The following UBR1 variants were observed in gnomAD, a reference collection of about 807,000 sequenced individuals.
UBR1 encodes the protein ubiquitin protein ligase E3 component n-recognin 1.
UBR1 carries 102 observed loss-of-function variants against 242.1 expected under a neutral mutation model. That is an observed-to-expected ratio of 0.42 (90% confidence interval 0.36 to 0.50). UBR1 has a LOEUF of 0.50. UBR1 is among the 20% of genes least tolerant of loss of function. The pLI, the probability that UBR1 is intolerant of heterozygous loss-of-function variation, is 0.01. For missense variants in UBR1, 1,772 were observed against 2,101.8 expected (o/e 0.84, Z 3.07); for synonymous variants, 675 against 684.8 (o/e 0.99, Z 0.22).
At chr15:43,013,065 C>G (rs1010650163) in intron 29 of UBR1, among the ~76,000 whole-genome samples, 36 of 152,214 alleles carry the variant, frequency 2.4e-4, no homozygotes, top group East Asian at 2.1e-3. Flanking sequence ...GTCACCACAC[C>G]CGGCTAATTT....
At chr15:42,993,432 C>T (rs538802950) in intron 33 of UBR1, among the ~76,000 whole-genome samples, 34 of 151,358 alleles carry the variant, frequency 2.2e-4, no homozygotes, top group Non-Finnish European at 4.7e-4. Flanking sequence ...GGTGCAATCT[C>T]GGCTCACTGC....
At chr15:43,072,112 A>G (rs997283538) in intron 4 of UBR1, among the ~76,000 whole-genome samples, 1 of 152,202 alleles carries the variant, frequency 6.6e-6, no homozygotes, top group Non-Finnish European at 1.5e-5. Flanking sequence ...TCAGCCTCCC[A>G]AAGTGCTGGG....
At chr15:42,994,221 A>G (rs2032599157) in intron 33 of UBR1, among the ~76,000 whole-genome samples, 1 of 152,070 alleles carries the variant, frequency 6.6e-6, no homozygotes. Context: ...AGATTCTTAC[A>G]TGGCCTAATT....
chr15:43,024,696 TA>T, intron 25 of UBR1, 132 bp downstream of exon 25: 1 of 1,258,286 alleles, frequency 7.9e-7, no homozygotes, highest in South Asian at 1.2e-5. Context: ...GTGCTGTGTG[TA>T]AGCTATTTTT....
At chr15:43,084,448 G>A (rs2141359383) in intron 2 of UBR1, among the ~76,000 whole-genome samples, 1 of 152,200 alleles carries the variant, frequency 6.6e-6, no homozygotes, top group African/African-American at 2.4e-5. Context: ...TACACAAAAT[G>A]CAAAGACTAT....
chr15:42,960,154 G>A (rs1170752079), intron 43 of UBR1, among the ~76,000 whole-genome samples: 1 of 152,180 alleles, frequency 6.6e-6, no homozygotes, highest in African/African-American at 2.4e-5. Context: ...TAGTACTTAA[G>A]AAGTAGATTT....
intron 29 of UBR1, among the ~76,000 whole-genome samples, chr15:43,010,946 C>T (rs1039648700): frequency 2.0e-5 from 3 of 151,660 alleles, no homozygotes; most frequent in African/African-American, 4.8e-5. Flanking sequence ...GCCGAGATCA[C>T]GCCACTGTAC....
intron 44 of UBR1, among the ~76,000 whole-genome samples, chr15:42,955,768 C>T (rs1245773289): frequency 1.3e-5 from 2 of 152,160 alleles, no homozygotes; most frequent in Non-Finnish European, 2.9e-5. Flanking sequence ...ATGATTCATG[C>T]TACTCAAATA....
intron 25 of UBR1, among the ~76,000 whole-genome samples, chr15:43,024,172 T>G (rs1184366590): frequency 1.3e-5 from 2 of 152,212 alleles, no homozygotes; most frequent in East Asian, 3.8e-4. Context: ...TACTAGTGAA[T>G]GTATTTATCA....
chr15:43,060,726 G>A (rs983064071), intron 6 of UBR1, among the ~76,000 whole-genome samples: 3 of 152,048 alleles, frequency 2.0e-5, no homozygotes, highest in Admixed American at 1.3e-4. Flanking sequence ...ACATTTTACA[G>A]ATGATAAAAA....
chr15:42,999,496 A>G (rs2032691193), intron 32 of UBR1, among the ~76,000 whole-genome samples: 1 of 152,170 alleles, frequency 6.6e-6, no homozygotes, highest in African/African-American at 2.4e-5. Context: ...CCTTCCTAAA[A>G]TGGACGTAAG....
chr15:42,966,610 G>A (rs1484769793), intron 40 of UBR1, among the ~76,000 whole-genome samples: 1 of 151,658 alleles, frequency 6.6e-6, no homozygotes, highest in Admixed American at 6.6e-5. Context: ...CCCAGGAGGT[G>A]GAGGCTGCAG....
chr15:43,031,157 A>G (rs1406198960), intron 20 of UBR1, among the ~76,000 whole-genome samples: 1 of 152,156 alleles, frequency 6.6e-6, no homozygotes, highest in African/African-American at 2.4e-5. Flanking sequence ...ATTTTCCACT[A>G]TAGATCAGAA....
chr15:43,003,759 A>C, intron 31 of UBR1, 78 bp downstream of exon 31: 1 of 1,283,152 alleles, frequency 7.8e-7, no homozygotes, highest in Non-Finnish European at 1.1e-6. Flanking sequence ...AGACATGAGA[A>C]AACATGCCTT....
intron 33 of UBR1, among the ~76,000 whole-genome samples, chr15:42,997,964 CT>C (rs1465889305): frequency 6.6e-6 from 1 of 152,170 alleles, no homozygotes; most frequent in East Asian, 1.9e-4. Flanking sequence ...AGTATAATCA[CT>C]GTCTGTATTG....
At position 43,022,812 on chromosome 15, in the gene UBR1, A is replaced by G; in HGVS notation, c.2740-11T>C. 6.4e-7 allele frequency: 1 copy of G among 1,558,118 alleles called. No individual in the cohort carries two copies. Among genetic ancestry groups the G allele is most frequent in the Non-Finnish European group, 8.8e-7 (1 of 1,130,968 alleles). On this transcript the variant is annotated splice_polypyrimidine_tract_variant and intron_variant, in intron 25 of 46. Transcript: ENST00000290650. ...CAGAATATGAAAAGCCTGAAGGAGG[A>G]AAATAAGAGATCTTTAAAATTGCGC...
chr15:43,029,717 C>A (rs1461115438), intron 21 of UBR1, among the ~76,000 whole-genome samples: 1 of 152,124 alleles, frequency 6.6e-6, no homozygotes, highest in African/African-American at 2.4e-5. Flanking sequence ...TCAAGAAGTT[C>A]CCTTTTTTCC....
chr15:43,076,110 G>C (rs1468813068), intron 3 of UBR1, among the ~76,000 whole-genome samples: 1 of 134,412 alleles, frequency 7.4e-6, no homozygotes, highest in Non-Finnish European at 1.6e-5. Context: ...GAGTGCCTGC[G>C]ATTGCAGGCG....
At chr15:43,059,053 C>T (rs770354874) in intron 9 of UBR1, 32 bp downstream of exon 9, 41 of 1,560,556 alleles carry the variant, frequency 2.6e-5, no homozygotes, top group African/African-American at 4.1e-5. Flanking sequence ...CCTTTGCTTC[C>T]TGACAAACAG....
Sources: allele counts gnomAD v4.1 joint callset (sites outside exome capture counted in the v4.1 genomes callset), GRCh38; gene constraint gnomAD v4.1.1; transcripts MANE v1.5; gene names NCBI Gene and HGNC (gene_info 2026-07-23, HGNC 2026-07-21).